Variants in SSBP2 observed in about 807,000 individuals in gnomAD.
The protein encoded by SSBP2 is single-stranded DNA-binding protein 2.
SSBP2 carries 17 observed loss-of-function variants against 61.8 expected under a neutral mutation model. The observed-to-expected ratio is 0.28, with a 90% CI of 0.19 to 0.41. The LOEUF is 0.41. Among genes scored for constraint, SSBP2 ranks in the 10% least tolerant of loss-of-function variants. The probability of loss-of-function intolerance (pLI) is 1.00; values close to 1 mark genes in which losing one functional copy is unlikely to be tolerated. For missense variants in SSBP2, 310 were observed against 458.7 expected (o/e 0.68, Z 2.96); for synonymous variants, 139 against 141.3 (o/e 0.98, Z 0.12).
At chr5:81,472,441 C>T (rs1765310412) in intron 8 of SSBP2, among the ~76,000 whole-genome samples, 1 of 152,118 alleles carries the variant, frequency 6.6e-6, no homozygotes, top group Non-Finnish European at 1.5e-5. Context: ...CAATAAGACC[C>T]ATTTTAATGT....
intron 4 of SSBP2, among the ~76,000 whole-genome samples, chr5:81,554,059 T>A (rs915651813): frequency 2.0e-5 from 3 of 152,056 alleles, no homozygotes; most frequent in African/African-American, 4.8e-5. Flanking sequence ...CCATTAATTT[T>A]AAAAAAAGAG....
rs1768353064 is a variant in SSBP2, at chr5:81,508,522, CAA to C, written c.372+5104_372+5105del. ...GGCTCTCTCATTTCAATAAAAACAT[CAA>C]AGTTTAAGTATGAACAATGTCACAA... is the stretch of plus-strand genomic sequence containing the variant. On this transcript the variant is annotated intron_variant, in intron 5 of 16. Transcript: ENST00000320672. Among the ~76,000 whole-genome samples the C allele has an allele frequency of 2.0e-5, 3 of 152,242 alleles. No homozygotes were observed. In the South Asian group the frequency reaches 6.2e-4, roughly 32 times the overall value.
chr5:81,648,373 TAA>T (rs1042984622), intron 2 of SSBP2, among the ~76,000 whole-genome samples: 1 of 152,170 alleles, frequency 6.6e-6, no homozygotes, highest in African/African-American at 2.4e-5. Context: ...CCTTCTATAG[TAA>T]AACAACTGAG....
At chr5:81,652,233 C>T (rs746087820) in intron 1 of SSBP2, among the ~76,000 whole-genome samples, 2 of 151,912 alleles carry the variant, frequency 1.3e-5, no homozygotes, top group Non-Finnish European at 2.9e-5. Flanking sequence ...TTCAATAAAC[C>T]CCATTCCTTT....
intron 5 of SSBP2, among the ~76,000 whole-genome samples, chr5:81,496,372 GT>G (rs2154064179): frequency 6.6e-6 from 1 of 152,148 alleles, no homozygotes; most frequent in East Asian, 1.9e-4. Flanking sequence ...TAGAGACAAG[GT>G]TTCACCATGT....
intron 1 of SSBP2, among the ~76,000 whole-genome samples, chr5:81,747,694 G>A (rs987859858): frequency 6.6e-6 from 1 of 152,138 alleles, no homozygotes; most frequent in Admixed American, 6.5e-5. Context: ...TTTGGTATTA[G>A]AAGGCACCTT....
chr5:81,620,552 G>A (rs2153624587), intron 3 of SSBP2, among the ~76,000 whole-genome samples: 1 of 89,176 alleles, frequency 1.1e-5, no homozygotes, highest in Admixed American at 1.2e-4. Context: ...CAGATTCAAT[G>A]CCATCCCCAT....
intron 3 of SSBP2, among the ~76,000 whole-genome samples, chr5:81,629,471 T>C (rs13158214): frequency 0.26 from 39,459 of 152,124 alleles, 5,355 homozygotes; most frequent in Non-Finnish European, 0.31. Context: ...GACCTATAGA[T>C]GAACTGGTCC....
intron 4 of SSBP2, among the ~76,000 whole-genome samples, chr5:81,578,739 A>G (rs1774419903): frequency 6.6e-6 from 1 of 152,032 alleles, no homozygotes; most frequent in Non-Finnish European, 1.5e-5. Flanking sequence ...CTGACAGCAA[A>G]AATGAGAAAA....
intron 3 of SSBP2, among the ~76,000 whole-genome samples, chr5:81,620,796 T>C (rs1746507762): frequency 9.0e-5 from 1 of 11,054 alleles, no homozygotes; most frequent in African/African-American, 5.5e-4. Context: ...TCAGAAATAA[T>C]GCCACATATC....
At chr5:81,744,326 G>GT (rs1757217405) in intron 1 of SSBP2, among the ~76,000 whole-genome samples, 1 of 152,074 alleles carries the variant, frequency 6.6e-6, no homozygotes, top group South Asian at 2.1e-4. Context: ...GTAGCTCTTG[G>GT]TTTTTTCTCA....
chr5:81,609,772 T>C (rs547628873), intron 4 of SSBP2, among the ~76,000 whole-genome samples: 4 of 152,322 alleles, frequency 2.6e-5, no homozygotes, highest in Non-Finnish European at 2.9e-5. Flanking sequence ...ACACCTACCC[T>C]TCCCTAATTG....
chr5:81,521,544 T>C (rs1016253302), intron 4 of SSBP2, among the ~76,000 whole-genome samples: 4 of 152,148 alleles, frequency 2.6e-5, no homozygotes, highest in African/African-American at 7.2e-5. Context: ...TACTGTTGTC[T>C]AGTATTTAGT....
intron 4 of SSBP2, among the ~76,000 whole-genome samples, chr5:81,609,771 C>A (rs1249086030): frequency 1.3e-5 from 2 of 152,190 alleles, no homozygotes; most frequent in African/African-American, 2.4e-5. Flanking sequence ...TACACCTACC[C>A]TTCCCTAATT....
intron 1 of SSBP2, among the ~76,000 whole-genome samples, chr5:81,688,258 ATAGAATACCAAG>A (rs1561693820): frequency 1.3e-5 from 2 of 152,188 alleles, no homozygotes; most frequent in Non-Finnish European, 2.9e-5. Flanking sequence ...CAGGCACAGA[ATAGAATACCAAG>A]TAGATTCCTA....
chr5:81,474,487 A>C lies in SSBP2; in HGVS notation c.499+9T>G, dbSNP rs1171375266. On this transcript the variant is annotated intron_variant, in intron 7 of 16. Coordinates refer to ENST00000320672, the MANE Select transcript of SSBP2 (RefSeq NM_012446.5). Reference sequence around the variant, plus strand: ...CACATCAATTTTCCTTTTACTTTAGAGTAGTCACCTTGTTGTCGAGTTGGA... The same window carrying C: ...CACATCAATTTTCCTTTTACTTTAGCGTAGTCACCTTGTTGTCGAGTTGGA... 1.2e-6 allele frequency: 2 copies of C among 1,611,702 alleles called. No individual in the cohort carries two copies. The highest frequency in any genetic ancestry group is 2.2e-5 in the South Asian group (2 of 90,964).
chr5:81,468,023 T>C (rs1324537272), intron 8 of SSBP2, among the ~76,000 whole-genome samples: 1 of 152,054 alleles, frequency 6.6e-6, no homozygotes, highest in Non-Finnish European at 1.5e-5. Context: ...AGATAACTCA[T>C]ACGTTGAACT....
At chr5:81,702,333 T>C (rs1229772502) in intron 1 of SSBP2, among the ~76,000 whole-genome samples, 1 of 152,188 alleles carries the variant, frequency 6.6e-6, no homozygotes, top group African/African-American at 2.4e-5. Flanking sequence ...ATGGTGCCAC[T>C]GCACTCCAGT....
At chr5:81,638,913 T>C (rs1561639804) in intron 2 of SSBP2, among the ~76,000 whole-genome samples, 1 of 152,236 alleles carries the variant, frequency 6.6e-6, no homozygotes, top group Non-Finnish European at 1.5e-5. Context: ...CCTGTTACAC[T>C]GAGTTATCAT....
Sources: gnomAD v4.1 joint callset for allele counts (sites outside exome capture counted in the v4.1 genomes callset) on GRCh38, gnomAD v4.1.1 for gene constraint, MANE v1.5 for transcripts, NCBI Gene and HGNC (gene_info 2026-07-23, HGNC 2026-07-21) for gene names.